The following SPACA7 variants were observed in gnomAD, a reference collection of about 807,000 sequenced individuals.
SPACA7 encodes sperm acrosome associated 7.
SPACA7 carries 19 observed loss-of-function variants against 26.3 expected under a neutral mutation model. The observed-to-expected ratio is 0.72, with a 90% CI of 0.50 to 1.06. The LOEUF (loss-of-function observed/expected upper bound fraction) is 1.06. Among genes scored for constraint, SPACA7 ranks in the 50% least tolerant of loss-of-function variants. The pLI is 0.00. For synonymous variants in SPACA7, 84 were observed against 84.5 expected, an observed-to-expected ratio of 0.99 and a Z score of 0.04; for missense variants, 211 against 229.9, an observed-to-expected ratio of 0.92 and a Z score of 0.53.
chr13:112,385,432 GGTAA>G (rs1884462417), intron 1 of SPACA7, among the ~76,000 whole-genome samples: 1 of 152,092 alleles, frequency 6.6e-6, no homozygotes, highest in South Asian at 2.1e-4. Flanking sequence ...TGAAAAACCT[GGTAA>G]GTAAGCTATT....
intron 1 of SPACA7, among the ~76,000 whole-genome samples, chr13:112,383,202 G>A (rs1489433529): frequency 8.4e-5 from 12 of 142,780 alleles, no homozygotes; most frequent in Non-Finnish European, 1.6e-5. Context: ...AGAAAAGAAA[G>A]AAAGAAAGGA....
At chr13:112,394,536 G>A (rs1885109302) in intron 2 of SPACA7, among the ~76,000 whole-genome samples, 1 of 114,662 alleles carries the variant, frequency 8.7e-6, no homozygotes, top group Admixed American at 8.9e-5. Context: ...GGAGAGGCCT[G>A]GGAAAAGCTC....
intron 2 of SPACA7, among the ~76,000 whole-genome samples, chr13:112,395,433 C>T (rs1004616893): frequency 7.2e-5 from 11 of 152,202 alleles, no homozygotes; most frequent in Non-Finnish European, 1.2e-4. Flanking sequence ...GCCAGCCCCC[C>T]GGACTGGCTG....
intron 1 of SPACA7, chr13:112,382,444 C>G (rs1288114303): frequency 6.5e-7 from 1 of 1,550,006 alleles, no homozygotes; most frequent in Non-Finnish European, 8.7e-7. Flanking sequence ...TGGGAAAAGG[C>G]TGTCAATGCT....
intron 3 of SPACA7, among the ~76,000 whole-genome samples, chr13:112,398,579 A>T (rs1885435405): frequency 6.6e-6 from 1 of 152,206 alleles, no homozygotes; most frequent in Non-Finnish European, 1.5e-5. Context: ...GGTCTAGCAA[A>T]TGACTTGCCC....
At chr13:112,382,306 C>A in intron 1 of SPACA7, 1 of 850,968 alleles carries the variant, frequency 1.2e-6, no homozygotes, top group Non-Finnish European at 1.8e-6. Context: ...GACTGGAGTG[C>A]AGAGGCGCCT....
intron 1 of SPACA7, among the ~76,000 whole-genome samples, chr13:112,384,705 G>A (rs914221833): frequency 6.6e-5 from 10 of 152,244 alleles, no homozygotes; most frequent in African/African-American, 2.4e-4. Flanking sequence ...TACTCTGATA[G>A]AGGACACTTA....
intron 5 of SPACA7, among the ~76,000 whole-genome samples, chr13:112,415,875 G>A (rs1886659592): frequency 6.6e-6 from 1 of 152,088 alleles, no homozygotes. Context: ...GCCTGGGGTG[G>A]GTCTAAATGC....
rs565765009 is a variant in SPACA7, at chr13:112,380,534, TATA to T, written c.94+4060_94+4062del. Among the ~76,000 whole-genome samples, 31 of 152,294 alleles carry T rather than the reference TATA, an allele frequency of 2.0e-4. No homozygotes were observed. The South Asian group carries it at 6.4e-3, about 32-fold the overall frequency. On this transcript the variant is annotated intron_variant, in intron 1 of 6. Transcript: ENST00000283550. Reference sequence around the variant, plus strand: ...ATACTAAAGCTCATCTATAAAATCTTATAATAAAATTCATTTACTGCTAGTGTA... The same window carrying T: ...ATACTAAAGCTCATCTATAAAATCTTATAAAATTCATTTACTGCTAGTGTA...
Position 112,432,486 on chromosome 13 carries a change from T to G in SPACA7, c.488T>G (p.Leu163Arg). 6.2e-7 allele frequency: 1 copy of G among 1,611,814 alleles called. No individual in the cohort carries two copies. Among genetic ancestry groups the G allele is most frequent in the Non-Finnish European group, 8.5e-7 (1 of 1,177,828 alleles). The change falls in exon 6 of 7, where the codon CTG (leucine) becomes CGG (arginine). Residue 163 changes from leucine to arginine, a missense_variant. Physicochemically the swap from Leu to Arg is moderately radical, Grantham distance 102. Coordinates refer to ENST00000283550, the MANE Select transcript of SPACA7 (RefSeq NM_145248.5). ...KNTQYENLSI[L>R]DQILQNIGRS... is the part of the protein sequence containing the mutation. The stretch of plus-strand genomic sequence containing the variant: ...ACTCAGTATGAAAATCTATCCATTC[T>G]GGACCAAATCCTTCAAAATATTGGA...
intron 5 of SPACA7, among the ~76,000 whole-genome samples, chr13:112,422,714 A>T (rs1876107220): frequency 6.6e-6 from 1 of 152,226 alleles, no homozygotes; most frequent in Admixed American, 6.5e-5. Context: ...AAGAAGTCAC[A>T]AGGGAAATTC....
intron 5 of SPACA7, among the ~76,000 whole-genome samples, chr13:112,416,804 T>TTTTGTGTGTG (rs1555329279): frequency 3.4e-5 from 5 of 147,934 alleles, no homozygotes; most frequent in Admixed American, 6.8e-5. Context: ...TGATTATGAG[T>TTTTGTGTGTG]TGTGTGTGTG....
Position 112,434,572 on chromosome 13 carries a change from C to A in SPACA7, c.*23C>A, listed in dbSNP as rs779166515. 1 of 1,585,178 alleles carries A rather than the reference C, an allele frequency of 6.3e-7. No homozygotes were observed. Among genetic ancestry groups the A allele is most frequent in the Non-Finnish European group, 8.6e-7 (1 of 1,165,474 alleles). The stretch of plus-strand genomic sequence containing the variant: ...TGAGGCCGCAGCCCCAGACCCCCTG[C>A]GCAGGAGAGGAGCCTGCTAGAACCC... On this transcript the variant is annotated 3_prime_UTR_variant, in exon 7 of 7. Transcript: ENST00000283550.
At chr13:112,411,629 T>C (rs1396711028) in intron 5 of SPACA7, among the ~76,000 whole-genome samples, 1 of 152,106 alleles carries the variant, frequency 6.6e-6, no homozygotes, top group East Asian at 1.9e-4. Flanking sequence ...GTAACCACCA[T>C]TGCACTCTCT....
chr13:112,434,159 G>A (rs1328250360), intron 6 of SPACA7, among the ~76,000 whole-genome samples: 1 of 152,190 alleles, frequency 6.6e-6, no homozygotes, highest in Non-Finnish European at 1.5e-5. Flanking sequence ...TCCCAGGAAT[G>A]AGATCCACAG....
chr13:112,412,211 A>C (rs1235844096), intron 5 of SPACA7, among the ~76,000 whole-genome samples: 1 of 152,168 alleles, frequency 6.6e-6, no homozygotes, highest in African/African-American at 2.4e-5. Flanking sequence ...AATGCTTTTC[A>C]CATACCTGTT....
chr13:112,407,488 A>G (rs2138987311), intron 5 of SPACA7, among the ~76,000 whole-genome samples: 1 of 152,308 alleles, frequency 6.6e-6, no homozygotes, highest in South Asian at 2.1e-4. Flanking sequence ...GATAAAGAAG[A>G]AAAGAGAGAA....
intron 1 of SPACA7, 27 bp from the exon 2 acceptor site, chr13:112,392,994 A>C (rs1884992412): frequency 4.4e-6 from 7 of 1,595,804 alleles, no homozygotes; most frequent in Non-Finnish European, 6.0e-6. Flanking sequence ...AACATTGTTA[A>C]ACTGTAGGGT....
chr13:112,397,897 G>C, intron 2 of SPACA7, 152 bp from the exon 3 acceptor site: 1 of 581,756 alleles, frequency 1.7e-6, no homozygotes, highest in Non-Finnish European at 3.0e-6. Flanking sequence ...TCTTTCGAAA[G>C]TCAAGTCCCA....
Sources: gnomAD v4.1 joint callset for allele counts (sites outside exome capture counted in the v4.1 genomes callset) on GRCh38, gnomAD v4.1.1 for gene constraint, MANE v1.5 for transcripts, NCBI Gene and HGNC (gene_info 2026-07-23, HGNC 2026-07-21) for gene names.